CLCN5: variants seen among roughly 807,000 people sequenced by gnomAD.
CLCN5 encodes Cl-/H+ antiporter 5.
CLCN5 carries 17 observed loss-of-function variants against 54.0 expected under a neutral mutation model. That is an observed-to-expected ratio of 0.31 (90% confidence interval 0.22 to 0.47). The LOEUF (loss-of-function observed/expected upper bound fraction) is 0.47, where lower values mean the gene tolerates loss of function less well. Among genes scored for constraint, CLCN5 ranks in the 20% least tolerant of loss-of-function variants. The probability of loss-of-function intolerance (pLI) is 1.00; values close to 1 mark genes in which losing one functional copy is unlikely to be tolerated. For missense variants in CLCN5, 448 were observed against 646.7 expected (o/e 0.69, Z 3.33); for synonymous variants, 222 against 233.0 (o/e 0.95, Z 0.43).
At chrX:50,018,306 A>G (rs781948327) in intron 3 of CLCN5, among the ~76,000 whole-genome samples, 1 of 112,192 alleles carries the variant, frequency 8.9e-6, no homozygotes, top group Non-Finnish European at 1.9e-5. Flanking sequence ...TGATTTTTGT[A>G]TATTAACCTT....
intron 3 of CLCN5, among the ~76,000 whole-genome samples, chrX:50,028,557 A>T (rs1418598157): frequency 9.0e-6 from 1 of 111,686 alleles, no homozygotes; most frequent in Non-Finnish European, 1.9e-5. Flanking sequence ...CTGTTCATGT[A>T]AGCTATGAGT....
chrX:50,040,012 T>C (rs947594381), intron 3 of CLCN5, among the ~76,000 whole-genome samples: 1 of 111,901 alleles, frequency 8.9e-6, no homozygotes, highest in African/African-American at 3.3e-5. Context: ...TTTTCTTAAA[T>C]AAAAAGTAAA....
intron 3 of CLCN5, among the ~76,000 whole-genome samples, chrX:49,983,702 A>G (rs1928856251): frequency 9.2e-6 from 1 of 108,209 alleles, no homozygotes; most frequent in East Asian, 2.8e-4. Context: ...ACATAATATA[A>G]TATATATTAA....
chrX:49,965,649 T>A (rs1557175341), intron 3 of CLCN5, among the ~76,000 whole-genome samples: 1 of 111,893 alleles, frequency 8.9e-6, no homozygotes, highest in Non-Finnish European at 1.9e-5. Flanking sequence ...TCCGATATAA[T>A]GTTGAAAAGA....
chrX:50,080,480 G>A (rs1010548924), intron 7 of CLCN5, 114 bp from the exon 8 acceptor site: 28 of 633,943 alleles, frequency 4.4e-5, no homozygotes, highest in East Asian at 1.1e-4. Flanking sequence ...ATTTAATCTC[G>A]GTGGTTTTTT....
chrX:49,977,017 G>C (rs2147335420), intron 3 of CLCN5, among the ~76,000 whole-genome samples: 1 of 111,720 alleles, frequency 9.0e-6, no homozygotes, highest in South Asian at 3.7e-4. Context: ...TGGAAGAAAA[G>C]GTCTCTTTTA....
chrX:50,087,599 C>A (rs1162197563), intron 11 of CLCN5, among the ~76,000 whole-genome samples: 1 of 111,524 alleles, frequency 9.0e-6, no homozygotes, highest in African/African-American at 3.3e-5. Context: ...ACCCTAACTA[C>A]CAAGTTATTT....
intron 4 of CLCN5, chrX:50,054,655 C>G (rs1932687966): frequency 8.9e-6 from 1 of 112,091 alleles, no homozygotes; most frequent in Admixed American, 9.5e-5. Flanking sequence ...TCAGCTGTGT[C>G]TCTTTGAATA....
rs142498911 is a variant in CLCN5 at position 50,080,624 on chromosome X, A to G, written c.634A>G (p.Met212Val). The G allele has an allele frequency of 8.3e-7, 1 of 1,206,104 alleles. No homozygotes were observed. Among genetic ancestry groups the G allele is most frequent in the Non-Finnish European group, 1.1e-6 (1 of 891,924 alleles). The part of the protein sequence containing the change: ...GAFAYIVNYF[M>V]YVLWALLFAF... Reference sequence around the variant, plus strand: ...CTTTGCCTACATAGTCAATTATTTCATGTACGTCCTCTGGGCTCTCCTATT... The same window carrying G: ...CTTTGCCTACATAGTCAATTATTTCGTGTACGTCCTCTGGGCTCTCCTATT... The change falls in exon 8 of 15, where the codon ATG becomes GTG. Residue 212 changes from methionine to valine, a missense_variant. Around this residue, in one of 5 missense-constraint regions of CLCN5, gnomAD observed 40 missense variants for 27.8 expected, o/e 1.44. Coordinates refer to ENST00000376091, the MANE Select transcript of CLCN5 (RefSeq NM_001127898.4).
At chrX:50,092,054 A>G (rs959560620) in intron 14 of CLCN5, 75 bp from the exon 15 acceptor site, 21 of 735,554 alleles carry the variant, frequency 2.9e-5, no homozygotes, top group Non-Finnish European at 4.2e-5. Flanking sequence ...ACTGAGGAGG[A>G]CAAGTATCAC....
At chrX:50,034,433 T>C (rs782244434) in intron 3 of CLCN5, among the ~76,000 whole-genome samples, 4 of 112,049 alleles carry the variant, frequency 3.6e-5, no homozygotes, top group African/African-American at 1.3e-4. Flanking sequence ...CATTCTCCCT[T>C]TTCTGTGTTT....
chrX:49,965,218 CAT>C (rs1927781381), intron 3 of CLCN5, among the ~76,000 whole-genome samples: 1 of 111,187 alleles, frequency 9.0e-6, no homozygotes, highest in Non-Finnish European at 1.9e-5. Flanking sequence ...ACCTTGAGAA[CAT>C]GTGATTTTTA....
chrX:50,060,216 G>C (rs1047628726), intron 4 of CLCN5, among the ~76,000 whole-genome samples: 82 of 110,373 alleles, frequency 7.4e-4, no homozygotes, highest in African/African-American at 2.6e-3. Flanking sequence ...CGCAGAAGAC[G>C]GGTGATTTCT....
chrX:49,989,750 C>T (rs1200767789), intron 3 of CLCN5, among the ~76,000 whole-genome samples: 1 of 111,776 alleles, frequency 8.9e-6, no homozygotes, highest in Non-Finnish European at 1.9e-5. Flanking sequence ...TTTATGGTTC[C>T]ATGGAGTGTC....
chrX:49,938,107 T>G (rs1275646805), intron 3 of CLCN5, among the ~76,000 whole-genome samples: 2 of 111,272 alleles, frequency 1.8e-5, no homozygotes, highest in Non-Finnish European at 1.9e-5. Flanking sequence ...CTGTGTTAAG[T>G]GACCCTGCTT....
At chrX:49,954,028 A>C (rs1927189382) in intron 3 of CLCN5, among the ~76,000 whole-genome samples, 1 of 112,129 alleles carries the variant, frequency 8.9e-6, no homozygotes, top group Non-Finnish European at 1.9e-5. Flanking sequence ...GTTATTTTTA[A>C]GGATAGTGAC....
chrX:50,041,674 A>G (rs1290288180), intron 3 of CLCN5, among the ~76,000 whole-genome samples: 4 of 111,998 alleles, frequency 3.6e-5, no homozygotes, highest in African/African-American at 9.7e-5. Context: ...ATGTTTGTAC[A>G]CATGCCCTCA....
chrX:49,941,920 CTT>C (rs782574821), intron 3 of CLCN5, among the ~76,000 whole-genome samples: 30 of 60,564 alleles, frequency 5.0e-4, no homozygotes, highest in Middle Eastern at 8.8e-3. Context: ...CAATCAGTAT[CTT>C]TTTTTTTTTT....
At chrX:49,944,390 C>T (rs1376171375) in intron 3 of CLCN5, among the ~76,000 whole-genome samples, 2 of 111,172 alleles carry the variant, frequency 1.8e-5, no homozygotes, top group Non-Finnish European at 3.8e-5. Flanking sequence ...ATTGAATACC[C>T]TTTATTTCCT....
Sources: gnomAD v4.1 joint callset for allele counts (sites outside exome capture counted in the v4.1 genomes callset) on GRCh38, gnomAD v4.1.1 for gene constraint, gnomAD v4.1.1 regional missense constraint, MANE v1.5 for transcripts, NCBI Gene and HGNC (gene_info 2026-07-23, HGNC 2026-07-21) for gene names.